Variants in ASPM observed in about 807,000 individuals in gnomAD.
ASPM encodes assembly factor for spindle microtubules.
In ASPM, 256 loss-of-function variants were observed where a neutral mutation model predicts 366.4. The ratio of observed to expected loss-of-function variants is 0.70; its 90% confidence interval spans 0.63 to 0.77. ASPM has a LOEUF of 0.77. Ranked by LOEUF, ASPM falls within the 30% of genes least tolerant of loss-of-function variation. The pLI, the probability that ASPM is intolerant of heterozygous loss-of-function variation, is 0.00. For missense variants in ASPM, 4,146 were observed against 4,090.4 expected (o/e 1.01, Z -0.37); for synonymous variants, 1,414 against 1,342.9 (o/e 1.05, Z -1.16).
rs1228252625 is a variant in ASPM at position 197,099,867 on chromosome 1, T to C, written c.8820+564A>G. ...TCTCTCTATGCAACATTGGCCAAAT[T>C]ACTTAAACTTTATCACTTCCTTCAT... On this transcript the variant is annotated intron_variant, in intron 18 of 27. Transcript: ENST00000367409. 3.3e-5 allele frequency among the ~76,000 whole-genome samples: 5 copies of C among 151,832 alleles called. No individual in the cohort carries two copies. In the East Asian group the frequency reaches 9.8e-4, roughly 30 times the overall value.
intron 17 of ASPM, among the ~76,000 whole-genome samples, chr1:197,112,632 G>A (rs1242920975): frequency 6.6e-6 from 1 of 152,058 alleles, no homozygotes; most frequent in East Asian, 1.9e-4. Flanking sequence ...CTTTGGAAAG[G>A]CTAATCAGAA....
chr1:197,141,007 A>C (rs1413775396), intron 3 of ASPM, among the ~76,000 whole-genome samples: 1 of 152,188 alleles, frequency 6.6e-6, no homozygotes, highest in Non-Finnish European at 1.5e-5. Flanking sequence ...AACCTATTGG[A>C]ATAGCAGTTC....
chr1:197,088,237 G>A lies in ASPM; in HGVS notation c.10161+19C>T, dbSNP rs762220731. 7.5e-6 allele frequency: 12 copies of A among 1,607,820 alleles called. No homozygotes were observed. Among genetic ancestry groups the A allele is most frequent in the Non-Finnish European group, 8.5e-7 (1 of 1,175,442 alleles). On this transcript the variant is annotated intron_variant, in intron 26 of 27. Transcript: ENST00000367409. Reference sequence around the variant, plus strand: ...CACAGAAAAATAATCTTAAAGAAAGGCAACTGACTAATACTTACAGAGGCT... The same window carrying A: ...CACAGAAAAATAATCTTAAAGAAAGACAACTGACTAATACTTACAGAGGCT...
Position 197,122,019 on chromosome 1 carries a change from G to T in ASPM, c.3766C>A (p.Leu1256Ile), listed in dbSNP as rs1033582935. The T allele has an allele frequency of 5.6e-6, 9 of 1,612,014 alleles. No individual in the cohort carries two copies. Among genetic ancestry groups the T allele is most frequent in the Middle Eastern group, 1.6e-4 (1 of 6,078 alleles). The change falls in exon 16 of 28, where the codon CTT becomes ATT. Residue 1256 changes from leucine (L) to isoleucine (I), a missense_variant. Physicochemically the swap from Leu to Ile is conservative, Grantham distance 5. This residue lies in a region of ASPM where 3,624 missense variants were observed against 3,591.7 expected (regional missense o/e 1.01). Coordinates refer to ENST00000367409, the MANE Select transcript of ASPM (RefSeq NM_018136.5). ...CGAAGATCCAAAAGCCTTGCACAAA[G>T]AAATGACAAATAGGTAATAACCACC... is the stretch of plus-strand genomic sequence containing the variant. ...EKVVITYLSFLCARLLDLRKE... is the reference protein window; with the variant it reads ...EKVVITYLSFICARLLDLRKE...
rs1282395871 is a variant in ASPM, at chr1:197,100,749, T to C, written c.8502A>G (p.Glu2834=). 2 of 1,612,388 alleles carry C rather than the reference T, an allele frequency of 1.2e-6. No homozygotes were observed. The highest frequency in any genetic ancestry group is 1.7e-6 in the Non-Finnish European group (2 of 1,179,124). Residue 2834 remains glutamate (E), a synonymous_variant, in exon 18 of 28, where the codon GAA becomes GAG. Transcript: ENST00000367409. ...AFCRMVTRKL[E]TQKCAALRIQ... Reference sequence around the variant, plus strand: ...TCCGTAGGGCAGCACATTTCTGTGTTTCCAGTTTTCTTGTGACCATTCTAC... The same window carrying C: ...TCCGTAGGGCAGCACATTTCTGTGTCTCCAGTTTTCTTGTGACCATTCTAC...
chr1:197,108,653 A>G (rs111250821), intron 17 of ASPM, among the ~76,000 whole-genome samples: 15 of 152,224 alleles, frequency 9.9e-5, no homozygotes, highest in African/African-American at 3.6e-4. Flanking sequence ...CTCATCAAAG[A>G]TAAATAGTCC....
At chr1:197,141,308 TG>T (rs1161571551) in intron 3 of ASPM, among the ~76,000 whole-genome samples, 8 of 152,312 alleles carry the variant, frequency 5.3e-5, no homozygotes, top group African/African-American at 1.7e-4. Context: ...ACATTGTCTA[TG>T]GCTGTTTTCC....
At chr1:197,129,812 T>C (rs1658207408) in intron 8 of ASPM, 103 bp downstream of exon 8, 7 of 1,343,890 alleles carry the variant, frequency 5.2e-6, no homozygotes, top group East Asian at 2.3e-5. Flanking sequence ...CTTATTTAGA[T>C]TGGTTTCTTT....
intron 22 of ASPM, among the ~76,000 whole-genome samples, chr1:197,091,603 CA>C (rs1656788316): frequency 6.6e-6 from 1 of 151,850 alleles, no homozygotes; most frequent in Admixed American, 6.6e-5. Flanking sequence ...ATTAGAATGG[CA>C]AAAATCAGAA....
At chr1:197,144,659 G>A (rs1460110427) in intron 1 of ASPM, among the ~76,000 whole-genome samples, 3 of 152,158 alleles carry the variant, frequency 2.0e-5, no homozygotes, top group African/African-American at 7.2e-5. Flanking sequence ...ACATTTTACA[G>A]ATGAAGTAAC....
At chr1:197,098,818 G>C (rs759018486) in intron 18 of ASPM, among the ~76,000 whole-genome samples, 8 of 151,366 alleles carry the variant, frequency 5.3e-5, no homozygotes, top group Non-Finnish European at 1.0e-4. Flanking sequence ...TTAATTATTA[G>C]CATATGCCCA....
intron 10 of ASPM, among the ~76,000 whole-genome samples, chr1:197,127,677 C>A (rs749716631): frequency 6.6e-5 from 10 of 152,138 alleles, no homozygotes; most frequent in African/African-American, 2.4e-5. Context: ...CAATTTTGAG[C>A]ATTCCAGTTT....
chr1:197,119,096 CTG>C (rs1401963973), intron 16 of ASPM, among the ~76,000 whole-genome samples: 4 of 152,096 alleles, frequency 2.6e-5, no homozygotes, highest in Non-Finnish European at 4.4e-5. Context: ...AATAATCAAA[CTG>C]TTATTTTTAC....
intron 17 of ASPM, among the ~76,000 whole-genome samples, chr1:197,116,216 T>G (rs1005726329): frequency 1.3e-5 from 2 of 152,278 alleles, no homozygotes; most frequent in African/African-American, 4.8e-5. Context: ...AGCTTCAAAA[T>G]TTTTGCAGCT....
chr1:197,139,799 G>T lies in ASPM; in HGVS notation c.1994C>A (p.Ser665Tyr). ...RTKPIIAVAQ[S>Y]SLTFIKPLKT... ...TAATGGTTTTATGAAGGTCAAACTG[G>T]ACTGTGCCACAGCGATAATGGGTTT... is the stretch of plus-strand genomic sequence containing the variant. Residue 665 changes from serine to tyrosine, a missense_variant, in exon 4 of 28, where the codon TCC becomes TAC. Ser to Tyr is a moderately radical substitution (Grantham distance 144). This residue lies in a region of ASPM where 3,624 missense variants were observed against 3,591.7 expected (regional missense o/e 1.01). Transcript: ENST00000367409. 6.2e-7 allele frequency: 1 copy of T among 1,611,652 alleles called. No homozygotes were observed. The highest frequency in any genetic ancestry group is 1.1e-5 in the South Asian group (1 of 91,022).
rs781375017 is a variant in ASPM at position 197,122,321 on chromosome 1, G to T, written c.3599-20C>A. The T allele has an allele frequency of 1.2e-6, 2 of 1,613,676 alleles. No homozygotes were observed. The highest frequency in any genetic ancestry group is 1.7e-6 in the Non-Finnish European group (2 of 1,179,728). ...TATTTTCTATTATGCAGGAGGAAAG[G>T]AGAAATTAGCCGTAGCTTCAAATCA... On this transcript the variant is annotated intron_variant, in intron 14 of 27. Transcript: ENST00000367409.
rs1657166060 is a variant in ASPM at position 197,101,298 on chromosome 1, T to C, written c.7953A>G (p.Val2651=). Residue 2651 remains valine, a synonymous_variant, in exon 18 of 28, where the codon GTA becomes GTG. Coordinates refer to ENST00000367409, the MANE Select transcript of ASPM (RefSeq NM_018136.5). ...TTCTGTATCTTCTTTGAATAGAAAC[T>C]ACTGTTGCTCTAAGGTGGAGATAAT... The part of the protein sequence containing the change: ...RKHYLHLRAT[V]VSIQRRYRKL... 6.2e-7 allele frequency: 1 copy of C among 1,612,002 alleles called. No individual in the cohort carries two copies. Among genetic ancestry groups the C allele is most frequent in the Non-Finnish European group, 8.5e-7 (1 of 1,178,946 alleles).
rs750236721 is a variant in ASPM, at chr1:197,103,775, T to C, written c.5476A>G (p.Ile1826Val). The C allele has an allele frequency of 6.8e-6, 11 of 1,612,838 alleles. No homozygotes were observed. Among genetic ancestry groups the C allele is most frequent in the Middle Eastern group, 1.6e-4 (1 of 6,074 alleles). The change falls in exon 18 of 28, where the codon ATA becomes GTA. Residue 1826 changes from isoleucine (I) to valine (V), a missense_variant. By Grantham distance (29) the Ile-to-Val change is conservative. Around this residue, in one of 3 missense-constraint regions of ASPM, gnomAD observed 3,624 missense variants for 3,591.7 expected, o/e 1.01. Coordinates refer to ENST00000367409, the MANE Select transcript of ASPM (RefSeq NM_018136.5). ...GCAGACTGAATTTTAAGAGCAGCTA[T>C]AGATTGTTGTTTGATTAGCTGGCGT... ...KVRQLIKQQSIAALKIQSAFR... is the reference protein window; with the variant it reads ...KVRQLIKQQSVAALKIQSAFR...
At position 197,100,708 on chromosome 1, in the gene ASPM, TGAAG is replaced by T. The variant is rs757429894; in HGVS notation, c.8539_8542del (p.Leu2847ArgfsTer90). The T allele has an allele frequency of 1.2e-5, 19 of 1,612,388 alleles. No individual in the cohort carries two copies. The highest frequency in any genetic ancestry group is 2.5e-6 in the Non-Finnish European group (3 of 1,179,086). On this transcript the variant is annotated frameshift_variant, in exon 18 of 28. Coordinates refer to ENST00000367409, the MANE Select transcript of ASPM (RefSeq NM_018136.5). LOFTEE classifies it high-confidence loss of function. ...AAATCTTCTCCGATACACAGCCATC[TGAAG>T]GAAGAACTGAATCCGTAGGGCAGCA...
Sources: allele counts gnomAD v4.1 joint callset (sites outside exome capture counted in the v4.1 genomes callset), GRCh38; gene constraint gnomAD v4.1.1; regional missense constraint gnomAD v4.1.1; transcripts MANE v1.5; gene names NCBI Gene and HGNC (gene_info 2026-07-23, HGNC 2026-07-21).